MPPED1: variants seen among roughly 807,000 people sequenced by gnomAD.
MPPED1 encodes metallophosphoesterase domain-containing protein 1.
A neutral mutation model predicts 36.2 loss-of-function variants in MPPED1; 16 were observed. The observed-to-expected ratio is 0.44, with a 90% CI of 0.30 to 0.67. MPPED1 has a LOEUF of 0.67. Among genes scored for constraint, MPPED1 ranks in the 30% least tolerant of loss-of-function variants. MPPED1 has a pLI of 0.10. For missense variants in MPPED1, 307 were observed against 453.4 expected (o/e 0.68, Z 2.93); for synonymous variants, 199 against 191.3 (o/e 1.04, Z -0.33).
chr22:43,487,704 T>C (rs1388454121), intron 4 of MPPED1, among the ~76,000 whole-genome samples: 1 of 152,200 alleles, frequency 6.6e-6, no homozygotes, highest in African/African-American at 2.4e-5. Flanking sequence ...CCAGGAATTG[T>C]CTGTGTGTCA....
At chr22:43,495,347 T>G (rs375856765) in intron 4 of MPPED1, among the ~76,000 whole-genome samples, 120 of 51,252 alleles carry the variant, frequency 2.3e-3, no homozygotes, top group Middle Eastern at 0.014. Flanking sequence ...GATGGAGGTG[T>G]TGATGGAGGT....
At chr22:43,443,545 G>A (rs1226114373) in intron 3 of MPPED1, among the ~76,000 whole-genome samples, 2 of 152,248 alleles carry the variant, frequency 1.3e-5, no homozygotes, top group South Asian at 2.1e-4. Context: ...AGTTAGGGGC[G>A]AGGGAGATGG....
At chr22:43,488,380 G>A (rs542172844) in intron 4 of MPPED1, among the ~76,000 whole-genome samples, 12 of 152,324 alleles carry the variant, frequency 7.9e-5, no homozygotes, top group Middle Eastern at 3.4e-3. Flanking sequence ...CAGAGAACCC[G>A]AGCAGGGTAG....
rs143596611 is a variant in MPPED1, at chr22:43,432,555, GGA to G, written c.225-2468_225-2467del. Among the ~76,000 whole-genome samples the G allele has an allele frequency of 6.8e-3, 656 of 96,962 alleles. 29 individuals are homozygous for G. The highest frequency in any genetic ancestry group is 0.024 in the African/African-American group (554 of 23,386). The allele number at this position is 96,962 out of a possible 152,430, so 63.6% of individuals were successfully genotyped here. A position where few individuals can be genotyped will look rare whatever the true frequency, so the allele number is the denominator to read the frequency against. On this transcript the variant is annotated intron_variant, in intron 2 of 6. Transcript: ENST00000443721. Reference sequence around the variant, plus strand: ...TAAAGGGAGGAGAGAAAGAAAGGGAGGAGAGAGAGAGAAAGGGAGGAGAGAGA... The same window carrying G: ...TAAAGGGAGGAGAGAAAGAAAGGGAGGAGAGAGAGAAAGGGAGGAGAGAGA...
chr22:43,438,045 C>T (rs1190058366), intron 3 of MPPED1, among the ~76,000 whole-genome samples: 1 of 152,214 alleles, frequency 6.6e-6, no homozygotes, highest in Non-Finnish European at 1.5e-5. Context: ...CTGAGCCTCA[C>T]TGAGAGCCCA....
intron 1 of MPPED1, chr22:43,416,991 T>A (rs779440235): frequency 3.0e-6 from 3 of 985,390 alleles, no homozygotes; most frequent in Non-Finnish European, 3.6e-6. Flanking sequence ...GAGCAGCTAT[T>A]TGTGGCAGAC....
At chr22:43,415,482 G>A (rs932236532) in intron 1 of MPPED1, among the ~76,000 whole-genome samples, 2 of 147,982 alleles carry the variant, frequency 1.4e-5, no homozygotes, top group Non-Finnish European at 3.0e-5. Context: ...ACCAATGAGG[G>A]CAGCCCAATT....
intron 3 of MPPED1, among the ~76,000 whole-genome samples, chr22:43,437,143 G>A (rs1421103734): frequency 6.6e-6 from 1 of 152,182 alleles, no homozygotes; most frequent in Non-Finnish European, 1.5e-5. Flanking sequence ...TTTGCTGCTG[G>A]TATTTTGGGA....
At chr22:43,428,807 C>G (rs531368178) in intron 2 of MPPED1, among the ~76,000 whole-genome samples, 4 of 151,786 alleles carry the variant, frequency 2.6e-5, no homozygotes, top group Non-Finnish European at 5.9e-5. Context: ...CTCCTTGCCC[C>G]GGTGACTGAG....
chr22:43,454,040 G>A (rs940006460), intron 3 of MPPED1, among the ~76,000 whole-genome samples: 8 of 151,718 alleles, frequency 5.3e-5, no homozygotes, highest in Non-Finnish European at 8.8e-5. Flanking sequence ...ACAGAGTTTC[G>A]CTCTGTCGCC....
intron 6 of MPPED1, among the ~76,000 whole-genome samples, chr22:43,504,589 G>A (rs1932774689): frequency 6.6e-6 from 1 of 151,840 alleles, no homozygotes; most frequent in African/African-American, 2.4e-5. Flanking sequence ...TGATGTTGAT[G>A]GTGATGGTGG....
intron 2 of MPPED1, among the ~76,000 whole-genome samples, chr22:43,431,189 C>T (rs1929674847): frequency 1.3e-5 from 2 of 151,768 alleles, no homozygotes; most frequent in Non-Finnish European, 1.5e-5. Flanking sequence ...CTACAGGCGC[C>T]TGCCACCACA....
intron 4 of MPPED1, among the ~76,000 whole-genome samples, chr22:43,491,634 A>G (rs1385616074): frequency 2.5e-4 from 27 of 109,076 alleles, no homozygotes; most frequent in South Asian, 1.1e-3. Flanking sequence ...GGTGATGGTG[A>G]TGGAGGTGGT....
intron 3 of MPPED1, among the ~76,000 whole-genome samples, chr22:43,467,607 G>C (rs1248599633): frequency 2.0e-5 from 3 of 152,190 alleles, no homozygotes; most frequent in Non-Finnish European, 2.9e-5. Flanking sequence ...GCCATACCGA[G>C]AAGTCTGCTA....
chr22:43,468,355 C>T (rs776670738), intron 3 of MPPED1, among the ~76,000 whole-genome samples: 4 of 152,194 alleles, frequency 2.6e-5, no homozygotes, highest in Admixed American at 6.5e-5. Flanking sequence ...GGGAGATCAG[C>T]GTTCTCGCCC....
chr22:43,498,784 C>G (rs539334544), intron 5 of MPPED1, among the ~76,000 whole-genome samples: 1 of 151,990 alleles, frequency 6.6e-6, no homozygotes, highest in Non-Finnish European at 1.5e-5. Flanking sequence ...CACCTCCCAT[C>G]TCTCCTCTCT....
intron 3 of MPPED1, among the ~76,000 whole-genome samples, chr22:43,439,232 T>A (rs1399063024): frequency 1.3e-5 from 2 of 152,200 alleles, no homozygotes; most frequent in Non-Finnish European, 2.9e-5. Flanking sequence ...CGGGTTGGGA[T>A]GAAAGAGTCC....
intron 3 of MPPED1, among the ~76,000 whole-genome samples, chr22:43,449,204 C>T (rs944223374): frequency 2.6e-5 from 4 of 152,204 alleles, no homozygotes; most frequent in Admixed American, 6.5e-5. Flanking sequence ...ATAATGACTT[C>T]TGGACAGAAG....
At chr22:43,457,867 C>T (rs527950109) in intron 3 of MPPED1, among the ~76,000 whole-genome samples, 1 of 152,292 alleles carries the variant, frequency 6.6e-6, no homozygotes, top group South Asian at 2.1e-4. Context: ...AGCTCATTAA[C>T]ACAGTTTTAT....
Sources: gnomAD v4.1 joint callset for allele counts (sites outside exome capture counted in the v4.1 genomes callset) on GRCh38, gnomAD v4.1.1 for gene constraint, MANE v1.5 for transcripts, NCBI Gene and HGNC (gene_info 2026-07-23, HGNC 2026-07-21) for gene names.